Variants in INSYN2B observed in about 807,000 individuals in gnomAD.
INSYN2B encodes the protein inhibitory synaptic factor family member 2B, also known as protein INSYN2B.
A neutral mutation model predicts 41.2 loss-of-function variants in INSYN2B; 16 were observed. The observed-to-expected ratio is 0.39, with a 90% CI of 0.26 to 0.59. The LOEUF (loss-of-function observed/expected upper bound fraction) is 0.59, where lower values mean the gene tolerates loss of function less well. INSYN2B is among the 20% of genes least tolerant of loss of function. The pLI is 0.57. For missense variants in INSYN2B, 608 were observed against 646.4 expected (o/e 0.94, Z 0.64); for synonymous variants, 245 against 244.4 (o/e 1.00, Z -0.02).
At chr5:169,867,201 G>A (rs1771619485) in intron 3 of INSYN2B, among the ~76,000 whole-genome samples, 1 of 152,204 alleles carries the variant, frequency 6.6e-6, no homozygotes, top group Non-Finnish European at 1.5e-5. Context: ...CAGGGTATGG[G>A]CAGGACCCAC....
chr5:169,939,203 CTT>C (rs56040572), intron 1 of INSYN2B, among the ~76,000 whole-genome samples: 3 of 143,696 alleles, frequency 2.1e-5, no homozygotes, highest in Non-Finnish European at 3.0e-5. Flanking sequence ...TGTGCCCGGC[CTT>C]TTTTTTTTTT....
intron 1 of INSYN2B, among the ~76,000 whole-genome samples, chr5:169,943,153 T>C (rs1776308654): frequency 6.6e-6 from 1 of 152,240 alleles, no homozygotes; most frequent in Non-Finnish European, 1.5e-5. Flanking sequence ...TCAATGTCTC[T>C]GCTTCCTAAA....
chr5:169,916,739 C>T (rs1774894734), intron 1 of INSYN2B, among the ~76,000 whole-genome samples: 2 of 151,974 alleles, frequency 1.3e-5, no homozygotes, highest in Non-Finnish European at 2.9e-5. Flanking sequence ...TGCCAGGCAC[C>T]AGTACAAGAA....
intron 1 of INSYN2B, among the ~76,000 whole-genome samples, chr5:169,974,932 C>A (rs1236111684): frequency 6.6e-6 from 1 of 151,936 alleles, no homozygotes; most frequent in Non-Finnish European, 1.5e-5. Flanking sequence ...GAATGATAAC[C>A]CCTCTCCTGG....
intron 1 of INSYN2B, among the ~76,000 whole-genome samples, chr5:169,970,433 C>G (rs1455003174): frequency 6.6e-6 from 1 of 152,194 alleles, no homozygotes; most frequent in African/African-American, 2.4e-5. Flanking sequence ...AGAACAATCA[C>G]TTTGTTTGTA....
chr5:169,903,434 G>A (rs987577278), intron 1 of INSYN2B, among the ~76,000 whole-genome samples: 2 of 151,796 alleles, frequency 1.3e-5, no homozygotes, highest in Non-Finnish European at 2.9e-5. Context: ...ATGTTTCTGT[G>A]GTGGTGTGAG....
intron 1 of INSYN2B, among the ~76,000 whole-genome samples, chr5:169,927,762 G>A (rs546164488): frequency 7.2e-5 from 11 of 152,230 alleles, no homozygotes; most frequent in South Asian, 4.2e-4. Flanking sequence ...GACTACAGGC[G>A]CCCGCCACCA....
rs942306655 is a variant in INSYN2B at position 169,882,692 on chromosome 5, G to C, written c.1207C>G (p.His403Asp). 1 of 1,552,092 alleles carries C rather than the reference G, an allele frequency of 6.4e-7. No individual in the cohort carries two copies. The highest frequency in any genetic ancestry group is 2.0e-5 in the Admixed American group (1 of 51,018). ...TCGCAGAGTTCACCCCGTGCCAGGTGAATTTGATTAATGTCACTAATCTCC... is the reference window on the plus strand; with the variant it reads ...TCGCAGAGTTCACCCCGTGCCAGGTCAATTTGATTAATGTCACTAATCTCC... ...NREISDINQI[H>D]LARGELCDLQ... Residue 403 changes from histidine to aspartate, a missense_variant, in exon 2 of 4, where the codon CAC becomes GAC. By Grantham distance (81) the His-to-Asp change is moderately conservative (BLOSUM62 -1). Coordinates refer to ENST00000377365, the MANE Select transcript of INSYN2B (RefSeq NM_001129891.3).
At chr5:169,978,805 A>G (rs1777831184) in intron 1 of INSYN2B, among the ~76,000 whole-genome samples, 1 of 152,212 alleles carries the variant, frequency 6.6e-6, no homozygotes, top group Non-Finnish European at 1.5e-5. Context: ...GTCCCTCATC[A>G]GCCAAGTGCC....
intron 1 of INSYN2B, among the ~76,000 whole-genome samples, chr5:169,893,479 C>CTT (rs200833735): frequency 1.7e-3 from 242 of 143,010 alleles, no homozygotes; most frequent in South Asian, 0.016. Flanking sequence ...TTTTCTTACC[C>CTT]TTTTTTTTTT....
At chr5:169,977,806 T>A (rs1434186376) in intron 1 of INSYN2B, among the ~76,000 whole-genome samples, 2 of 152,206 alleles carry the variant, frequency 1.3e-5, no homozygotes, top group East Asian at 1.9e-4. Context: ...AACTGCCTGA[T>A]AAAGCTCTAA....
chr5:169,917,762 T>C (rs1402612254), intron 1 of INSYN2B, among the ~76,000 whole-genome samples: 1 of 152,132 alleles, frequency 6.6e-6, no homozygotes, highest in Admixed American at 6.6e-5. Context: ...CAGAAAGGGA[T>C]TTTTTCTGGC....
At chr5:169,956,841 A>G (rs1363586517) in intron 1 of INSYN2B, among the ~76,000 whole-genome samples, 2 of 152,178 alleles carry the variant, frequency 1.3e-5, no homozygotes, top group Non-Finnish European at 1.5e-5. Context: ...TTTCAGACCT[A>G]TGGGTCCAGG....
chr5:169,912,863 T>C (rs1310028191), intron 1 of INSYN2B, among the ~76,000 whole-genome samples: 1 of 152,240 alleles, frequency 6.6e-6, no homozygotes, highest in East Asian at 1.9e-4. Context: ...AATCAACTCA[T>C]TTGAATAGAT....
At chr5:169,905,692 C>T (rs1042573208) in intron 1 of INSYN2B, among the ~76,000 whole-genome samples, 7 of 152,122 alleles carry the variant, frequency 4.6e-5, no homozygotes, top group African/African-American at 1.4e-4. Context: ...TGCTGTCATA[C>T]AGCACCTCTG....
intron 3 of INSYN2B, among the ~76,000 whole-genome samples, chr5:169,870,625 T>C (rs1322581507): frequency 2.0e-5 from 3 of 152,180 alleles, no homozygotes; most frequent in East Asian, 1.9e-4. Flanking sequence ...TATTATACTT[T>C]AAGTTTTAGG....
At chr5:169,977,441 C>T (rs192438417) in intron 1 of INSYN2B, among the ~76,000 whole-genome samples, 7 of 152,318 alleles carry the variant, frequency 4.6e-5, no homozygotes, top group East Asian at 3.9e-4. Context: ...CTGCTATTAT[C>T]GAGGGCTTTC....
intron 1 of INSYN2B, among the ~76,000 whole-genome samples, chr5:169,928,235 TAC>T (rs1775569964): frequency 1.3e-5 from 2 of 152,176 alleles, no homozygotes; most frequent in Non-Finnish European, 1.5e-5. Context: ...AGGAGGGGTC[TAC>T]AGTTATTGCT....
chr5:169,888,096 T>A (rs1483836731), intron 1 of INSYN2B, among the ~76,000 whole-genome samples: 2 of 152,236 alleles, frequency 1.3e-5, no homozygotes, highest in East Asian at 3.8e-4. Flanking sequence ...AACTCTCGTA[T>A]TTTTAGACAG....
Sources: gnomAD v4.1 joint callset for allele counts (sites outside exome capture counted in the v4.1 genomes callset) on GRCh38, gnomAD v4.1.1 for gene constraint, MANE v1.5 for transcripts, NCBI Gene and HGNC (gene_info 2026-07-23, HGNC 2026-07-21) for gene names.